WASL: variants seen among roughly 807,000 people sequenced by gnomAD.
The protein encoded by WASL is actin nucleation-promoting factor WASL.
A neutral mutation model predicts 55.5 loss-of-function variants in WASL; 20 were observed. That is an observed-to-expected ratio of 0.36 (90% CI 0.25 to 0.52). WASL has a LOEUF of 0.52. WASL is among the 20% of genes least tolerant of loss of function. The pLI is 0.92. For synonymous variants in WASL, 249 were observed against 217.6 expected, an observed-to-expected ratio of 1.14 and a Z score of -1.27; for missense variants, 504 against 622.5, an observed-to-expected ratio of 0.81 and a Z score of 2.03.
chr7:123,710,149 G>GAT (rs1803732424), intron 1 of WASL, among the ~76,000 whole-genome samples: 1 of 151,932 alleles, frequency 6.6e-6, no homozygotes, highest in African/African-American at 2.4e-5. Context: ...CTATGAAAGT[G>GAT]ATACACACTT....
chr7:123,689,103 T>G lies in WASL; in HGVS notation c.1395A>C (p.Ser465=), dbSNP rs1290992320. ...ESTPPTPAPT[S]GIVGALMEVM... ...CTTCCATTAATGCACCCACAATTCC[T>G]GAAGTGGGTGCAGGTGTTGGTGGTG... is the stretch of plus-strand genomic sequence containing the variant. Residue 465 remains serine (S), a synonymous_variant, in exon 10 of 11, where the codon TCA becomes TCC. Coordinates refer to ENST00000223023, the MANE Select transcript of WASL (RefSeq NM_003941.4). 6.2e-7 allele frequency: 1 copy of G among 1,613,772 alleles called. No individual in the cohort carries two copies. The highest frequency in any genetic ancestry group is 2.2e-5 in the East Asian group (1 of 44,842).
intron 1 of WASL, among the ~76,000 whole-genome samples, chr7:123,725,847 G>C (rs1384937635): frequency 6.6e-6 from 1 of 152,114 alleles, no homozygotes; most frequent in African/African-American, 2.4e-5. Context: ...CTTCTGGAAG[G>C]GGGAGGTGGG....
At chr7:123,736,210 CT>C (rs1804225352) in intron 1 of WASL, among the ~76,000 whole-genome samples, 1 of 152,016 alleles carries the variant, frequency 6.6e-6, no homozygotes, top group Non-Finnish European at 1.5e-5. Flanking sequence ...AAAATACAGA[CT>C]TTTAAGTTAT....
Position 123,720,507 on chromosome 7 carries a change from C to G in WASL, c.118-11284G>C, listed in dbSNP as rs1803926241. Among the ~76,000 whole-genome samples the G allele has an allele frequency of 2.0e-5, 3 of 152,208 alleles. No individual in the cohort carries two copies. In the South Asian group the frequency reaches 6.2e-4, roughly 31 times the overall value. On this transcript the variant is annotated intron_variant, in intron 1 of 10. Coordinates refer to ENST00000223023, the MANE Select transcript of WASL (RefSeq NM_003941.4). ...TAACTTACATTTGCCTATGTATGCA[C>G]AGAACCTTCTGAAGAACAGACAAAA...
chr7:123,727,358 C>CAA (rs964750959), intron 1 of WASL, among the ~76,000 whole-genome samples: 20 of 151,264 alleles, frequency 1.3e-4, no homozygotes, highest in Non-Finnish European at 3.0e-4. Context: ...ATGTGTCACA[C>CAA]ACACACACAC....
Position 123,692,485 on chromosome 7 carries a change from T to C in WASL, c.1209A>G (p.Ala403=), listed in dbSNP as rs1241305199. 4 of 1,613,978 alleles carry C rather than the reference T, an allele frequency of 2.5e-6. No homozygotes were observed. The highest frequency in any genetic ancestry group is 1.3e-5 in the African/African-American group (1 of 74,882). The change falls in exon 9 of 11, where the codon GCA becomes GCG. Residue 403 remains alanine, a synonymous_variant. Coordinates refer to ENST00000223023, the MANE Select transcript of WASL (RefSeq NM_003941.4). ...SDGDHQVPTT[A]GNKAALLDQI... ...GATCTAAAAGAGCTGCTTTGTTTCC[T>C]GCAGTAGTTGGAACCTGATGGTCCC...
intron 1 of WASL, chr7:123,720,344 C>CA (rs11377481): frequency 0.15 from 50,173 of 340,788 alleles, 2,170 homozygotes; most frequent in African/African-American, 0.31. Flanking sequence ...CATACAGCTG[C>CA]AAAAAAAAAA....
At chr7:123,717,192 A>G (rs574544774) in intron 1 of WASL, among the ~76,000 whole-genome samples, 43 of 151,596 alleles carry the variant, frequency 2.8e-4, no homozygotes, top group South Asian at 2.1e-3. Flanking sequence ...GGTGCATGAG[A>G]AAAAAAAACA....
intron 5 of WASL, among the ~76,000 whole-genome samples, chr7:123,699,866 T>G (rs949714484): frequency 6.6e-6 from 1 of 152,134 alleles, no homozygotes; most frequent in African/African-American, 2.4e-5. Context: ...TAGATGAATT[T>G]CATTAGTACT....
intron 1 of WASL, among the ~76,000 whole-genome samples, chr7:123,717,371 G>A (rs1354257908): frequency 6.6e-6 from 1 of 152,224 alleles, no homozygotes; most frequent in Non-Finnish European, 1.5e-5. Flanking sequence ...AGCAGCAACT[G>A]TAGCCTCATG....
intron 1 of WASL, among the ~76,000 whole-genome samples, chr7:123,741,222 T>G (rs1804337029): frequency 6.6e-6 from 1 of 152,234 alleles, no homozygotes; most frequent in Non-Finnish European, 1.5e-5. Context: ...CTTGTTTTTA[T>G]TACTCTTTCT....
At chr7:123,743,427 C>A (rs17146305) in intron 1 of WASL, among the ~76,000 whole-genome samples, 1,781 of 151,944 alleles carry the variant, frequency 0.012, 32 homozygotes, top group African/African-American at 0.04. Flanking sequence ...ACTTTTTCAT[C>A]AGGACCCCTT....
In WASL at chr7:123,723,032, T is replaced by C. The variant is rs79093175; in HGVS notation, c.118-13809A>G. On this transcript the variant is annotated intron_variant, in intron 1 of 10. Transcript: ENST00000223023. ...TAGCAATGTGGTTTTAAGCAATTAC[T>C]GAACTACCCTATCCCTGTTTTCCCA... 3.0e-3 allele frequency among the ~76,000 whole-genome samples: 453 copies of C among 152,274 alleles called. 13 individuals carry two copies. The East Asian group carries it at 0.06, about 20-fold the overall frequency.
At chr7:123,704,604 T>TA (rs747956236) in intron 5 of WASL, 30 bp downstream of exon 5, 1 of 1,500,494 alleles carries the variant, frequency 6.7e-7, no homozygotes, top group Admixed American at 1.9e-5. Context: ...TCTAAAATCT[T>TA]AAAAGATTAA....
At chr7:123,704,165 T>C (rs1584861015) in intron 5 of WASL, among the ~76,000 whole-genome samples, 1 of 152,140 alleles carries the variant, frequency 6.6e-6, no homozygotes, top group East Asian at 1.9e-4. Flanking sequence ...TAGGTGTTCA[T>C]TTTGAAAGGG....
At chr7:123,728,709 A>C (rs1371867883) in intron 1 of WASL, among the ~76,000 whole-genome samples, 2 of 152,052 alleles carry the variant, frequency 1.3e-5, no homozygotes, top group Non-Finnish European at 2.9e-5. Flanking sequence ...AGTGGTGAGC[A>C]CCTGTAATCC....
chr7:123,741,014 T>C (rs937318666), intron 1 of WASL, among the ~76,000 whole-genome samples: 14 of 152,134 alleles, frequency 9.2e-5, no homozygotes, highest in Admixed American at 7.2e-4. Context: ...ATCCCAAAAA[T>C]GTGCATGTTA....
chr7:123,722,597 C>T (rs1803966759), intron 1 of WASL, among the ~76,000 whole-genome samples: 1 of 152,124 alleles, frequency 6.6e-6, no homozygotes, highest in Non-Finnish European at 1.5e-5. Flanking sequence ...GCAGGTAGAT[C>T]ACTTGAGGCC....
At chr7:123,729,371 C>G (rs1804102928) in intron 1 of WASL, among the ~76,000 whole-genome samples, 2 of 152,094 alleles carry the variant, frequency 1.3e-5, no homozygotes, top group Admixed American at 6.5e-5. Context: ...TAATGGCTAC[C>G]AAGTACCATA....
Sources: allele counts gnomAD v4.1 joint callset (sites outside exome capture counted in the v4.1 genomes callset), GRCh38; gene constraint gnomAD v4.1.1; transcripts MANE v1.5; gene names NCBI Gene and HGNC (gene_info 2026-07-23, HGNC 2026-07-21).